Variants in TJP2 observed in about 807,000 individuals in gnomAD.
TJP2 encodes the protein Friedreich ataxia region gene X104 (tight junction protein ZO-2).
In TJP2, 91 loss-of-function variants were observed where a neutral mutation model predicts 133.1. That is an observed-to-expected ratio of 0.68 (90% CI 0.58 to 0.81). The LOEUF (loss-of-function observed/expected upper bound fraction) is 0.81, where lower values mean the gene tolerates loss of function less well. Ranked by LOEUF, TJP2 falls within the 40% of genes least tolerant of loss-of-function variation. TJP2 has a pLI of 0.00. For missense variants in TJP2, 1,541 were observed against 1,565.6 expected (o/e 0.98, Z 0.26); for synonymous variants, 592 against 583.4 (o/e 1.01, Z -0.21).
chr9:69,220,705 G>A (rs1588090392), intron 4 of TJP2, among the ~76,000 whole-genome samples, 182 bp from the exon 5 acceptor site: 1 of 152,190 alleles, frequency 6.6e-6, no homozygotes, highest in East Asian at 1.9e-4. Context: ...GAGCTTCACG[G>A]TCATTGTCCT....
intron 2 of TJP2, among the ~76,000 whole-genome samples, chr9:69,161,837 C>T (rs1056524393): frequency 1.3e-5 from 2 of 150,152 alleles, no homozygotes; most frequent in African/African-American, 2.4e-5. Flanking sequence ...CACCTGAGGT[C>T]AGGAATTTGA....
chr9:69,191,982 C>T (rs1826234545), intron 1 of TJP2, among the ~76,000 whole-genome samples: 4 of 152,032 alleles, frequency 2.6e-5, no homozygotes, highest in Admixed American at 6.5e-5. Flanking sequence ...AGGTGATCCA[C>T]CTGCCTCTGT....
Position 69,248,036 on chromosome 9 carries a change from G to A in TJP2, c.2692G>A (p.Glu898Lys), listed in dbSNP as rs1198951192. The change falls in exon 19 of 23, where the codon GAA (glutamate) becomes AAA (lysine). Residue 898 changes from glutamate to lysine, a missense_variant. Coordinates refer to ENST00000377245, the MANE Select transcript of TJP2 (RefSeq NM_004817.4). The stretch of plus-strand genomic sequence containing the variant: ...GATGGAAGGGATGGATGATGACCCC[G>A]AAGACCGCATGTCCTACTTAACCGC... ...GKMEGMDDDP[E>K]DRMSYLTAMG... 1.2e-6 allele frequency: 2 copies of A among 1,610,658 alleles called. No homozygotes were observed. Among genetic ancestry groups the A allele is most frequent in the East Asian group, 2.2e-5 (1 of 44,790 alleles).
At chr9:69,218,588 C>G (rs1828567330) in intron 4 of TJP2, 1 of 546,026 alleles carries the variant, frequency 1.8e-6, no homozygotes, top group Admixed American at 2.9e-5. Context: ...GTTAGTTTGC[C>G]TTAGGAACCA....
intron 12 of TJP2, 40 bp downstream of exon 12, chr9:69,234,587 T>TGGGGGGGG (rs1830043944): frequency 3.6e-6 from 1 of 279,952 alleles, no homozygotes; most frequent in Admixed American, 4.7e-5. Context: ...GGGGTGGGGG[T>TGGGGGGGG]GGGGAGTGGG....
In TJP2 at chr9:69,220,859, G is replaced by C. The variant is rs41305541; in HGVS notation, c.343-28G>C. On this transcript the variant is annotated intron_variant, in intron 4 of 22. Transcript: ENST00000377245. ...CCACATTCAGTTGTGATTGTCCTGC[G>C]TCCACACTGAGTTTGTTTTGACAAC... 7 of 1,607,318 alleles carry C rather than the reference G, an allele frequency of 4.4e-6. No individual in the cohort carries two copies. The East Asian group carries it at 1.6e-4, about 36-fold the overall frequency.
intron 2 of TJP2, among the ~76,000 whole-genome samples, chr9:69,163,723 TCA>T (rs1824208870): frequency 6.6e-6 from 1 of 151,612 alleles, no homozygotes; most frequent in Non-Finnish European, 1.5e-5. Context: ...TCCATCCACC[TCA>T]GCCCTCCCAA....
At chr9:69,189,203 A>C (rs1217431183) in intron 1 of TJP2, among the ~76,000 whole-genome samples, 1 of 152,202 alleles carries the variant, frequency 6.6e-6, no homozygotes, top group Non-Finnish European at 1.5e-5. Flanking sequence ...GATACTGCCG[A>C]GATGTTGGCC....
chr9:69,233,340 A>G (rs992483529), intron 11 of TJP2, among the ~76,000 whole-genome samples: 1 of 152,254 alleles, frequency 6.6e-6, no homozygotes, highest in African/African-American at 2.4e-5. Context: ...AGGATTCTGT[A>G]ATTGTCAATG....
intron 1 of TJP2, among the ~76,000 whole-genome samples, chr9:69,142,357 T>C (rs1305389605): frequency 6.6e-6 from 1 of 152,240 alleles, no homozygotes; most frequent in Admixed American, 6.5e-5. Flanking sequence ...CTAAACTTTA[T>C]TAACTCTTTG....
intron 1 of TJP2, among the ~76,000 whole-genome samples, chr9:69,210,302 A>ACCCC (rs780756132): frequency 7.3e-5 from 4 of 55,172 alleles, no homozygotes; most frequent in Non-Finnish European, 8.0e-5. Flanking sequence ...CCCCCCCCAA[A>ACCCC]AAAAAAAAAA....
At chr9:69,162,137 A>G (rs1371848943) in intron 2 of TJP2, among the ~76,000 whole-genome samples, 1 of 148,046 alleles carries the variant, frequency 6.8e-6, no homozygotes, top group Non-Finnish European at 1.5e-5. Context: ...TATATTATAT[A>G]TGAATATATA....
Position 69,221,457 on chromosome 9 carries a change from C to G in TJP2, c.913C>G (p.Pro305Ala). The change falls in exon 5 of 23, where the codon CCC becomes GCC. Residue 305 changes from proline to alanine, a missense_variant. Transcript: ENST00000377245. ...CCCCGAGCCTAGGGGGCGGCCGGGGCCCATCGGGGTCCTCCTGATGAAAAG... is the reference window on the plus strand; with the variant it reads ...CCCCGAGCCTAGGGGGCGGCCGGGGGCCATCGGGGTCCTCCTGATGAAAAG... The part of the protein sequence containing the change: ...PSPEPRGRPG[P>A]IGVLLMKSRA... 6.3e-7 allele frequency: 1 copy of G among 1,597,480 alleles called. No homozygotes were observed. Among genetic ancestry groups the G allele is most frequent in the Non-Finnish European group, 8.5e-7 (1 of 1,171,892 alleles).
chr9:69,245,550 C>T (rs573648592), intron 17 of TJP2, among the ~76,000 whole-genome samples: 1 of 152,268 alleles, frequency 6.6e-6, no homozygotes, highest in East Asian at 1.9e-4. Flanking sequence ...CTCTAAATTT[C>T]TGTTTTTAGA....
chr9:69,216,603 C>CTGG (rs1394807339), intron 3 of TJP2, 140 bp downstream of exon 3: 2 of 983,068 alleles, frequency 2.0e-6, no homozygotes, highest in Non-Finnish European at 2.9e-6. Context: ...AGTCTTCAAG[C>CTGG]TGGAATGGAA....
chr9:69,193,710 A>G (rs1826363621), intron 1 of TJP2, among the ~76,000 whole-genome samples: 2 of 146,004 alleles, frequency 1.4e-5, no homozygotes, highest in South Asian at 4.3e-4. Flanking sequence ...CTTGAATTTC[A>G]TCTGCTGTGT....
intron 11 of TJP2, among the ~76,000 whole-genome samples, chr9:69,232,549 C>G (rs1829867127): frequency 1.3e-5 from 2 of 152,110 alleles, no homozygotes; most frequent in Non-Finnish European, 2.9e-5. Context: ...TAAAGTGAGC[C>G]TTATACACAT....
chr9:69,137,852 T>C (rs113252139), intron 1 of TJP2, among the ~76,000 whole-genome samples: 1 of 152,310 alleles, frequency 6.6e-6, no homozygotes, highest in African/African-American at 2.4e-5. Flanking sequence ...GCTCCATTTC[T>C]TTCTCGTGAC....
At chr9:69,205,291 G>A (rs1013150487) in intron 1 of TJP2, 1 of 1,537,054 alleles carries the variant, frequency 6.5e-7, no homozygotes, top group Non-Finnish European at 8.7e-7. Context: ...ATGGGAAGGG[G>A]AGGGAAGCAA....
Sources: allele counts gnomAD v4.1 joint callset (sites outside exome capture counted in the v4.1 genomes callset), GRCh38; gene constraint gnomAD v4.1.1; transcripts MANE v1.5; gene names NCBI Gene and HGNC (gene_info 2026-07-23, HGNC 2026-07-21).